Variants in JAML observed in about 807,000 individuals in gnomAD.
JAML encodes the protein junction adhesion molecule like.
In JAML, 25 loss-of-function variants were observed where a neutral mutation model predicts 39.3. The ratio of observed to expected loss-of-function variants is 0.64; its 90% confidence interval spans 0.46 to 0.89. The LOEUF (loss-of-function observed/expected upper bound fraction) is 0.89, where lower values mean the gene tolerates loss of function less well. Among genes scored for constraint, JAML ranks in the 40% least tolerant of loss-of-function variants. JAML has a pLI of 0.00. For synonymous variants in JAML, 162 were observed against 179.2 expected (o/e 0.90, Z 0.77); for missense variants, 440 against 486.9 (o/e 0.90, Z 0.91).
Position 118,200,916 on chromosome 11 carries a change from A to G in JAML, c.773-304T>C. On this transcript the variant is annotated intron_variant, in intron 6 of 9. Transcript: ENST00000356289. The stretch of plus-strand genomic sequence containing the variant: ...AATTTGGCTTAACAAGGACCCAGAA[A>G]TAACAGGCATTTGAGAGGCTGCTGA... 1.6e-5 allele frequency: 4 copies of G among 256,470 alleles called. No individual in the cohort carries two copies. In the South Asian group the frequency reaches 2.7e-4, roughly 17 times the overall value. 15.9% of individuals were successfully genotyped at this position (256,470 alleles called of 1,614,324 possible).
chr11:118,197,892 T>C (rs938287266), intron 8 of JAML, 106 bp downstream of exon 8: 89 of 1,030,650 alleles, frequency 8.6e-5, no homozygotes, highest in Non-Finnish European at 1.3e-4. Context: ...TGCCAAGCAC[T>C]GGCCTGCAAG....
At chr11:118,195,296 C>A (rs1328653481) in intron 9 of JAML, among the ~76,000 whole-genome samples, 1 of 152,086 alleles carries the variant, frequency 6.6e-6, no homozygotes, top group African/African-American at 2.4e-5. Flanking sequence ...ATGTTTCACT[C>A]GGTGGATCCA....
At chr11:118,212,338 T>C in intron 3 of JAML, 69 bp downstream of exon 3, 1 of 1,565,056 alleles carries the variant, frequency 6.4e-7, no homozygotes, top group South Asian at 1.2e-5. Context: ...TGCCTGACTC[T>C]TACACCACTC....
chr11:118,215,940 C>A (rs1201460410), intron 1 of JAML, among the ~76,000 whole-genome samples: 2 of 152,188 alleles, frequency 1.3e-5, no homozygotes, highest in East Asian at 3.9e-4. Flanking sequence ...GTCTTTACCC[C>A]TGGCCACCCT....
At position 118,194,309 on chromosome 11, in the gene JAML, GGACT is replaced by G. The variant is rs1565470158; in HGVS notation, c.*12_*15del. 10 of 1,604,560 alleles carry G rather than the reference GGACT, an allele frequency of 6.2e-6. No individual in the cohort carries two copies. The highest frequency in any genetic ancestry group is 6.8e-6 in the Non-Finnish European group (8 of 1,171,624). On this transcript the variant is annotated 3_prime_UTR_variant, in exon 10 of 10. Transcript: ENST00000356289. ...AGTCTCCACCGCTGCTGAGATGAAGGGACTCTCCATTCTTCTCAAAAGGCTTGCT... is the reference window on the plus strand; with the variant it reads ...AGTCTCCACCGCTGCTGAGATGAAGGCTCCATTCTTCTCAAAAGGCTTGCT...
chr11:118,213,206 T>C lies in JAML; in HGVS notation c.44-645A>G, dbSNP rs1591478446. On this transcript the variant is annotated intron_variant, in intron 2 of 9. Coordinates refer to ENST00000356289, the MANE Select transcript of JAML (RefSeq NM_001098526.2). ...CAGGGACCCCTGCCCATTATCTCTA[T>C]GTTGCTCAAGCAATTTCGAGCGGTC... 5.3e-6 allele frequency: 7 copies of C among 1,332,898 alleles called. 1 individual carries two copies. The highest frequency in any genetic ancestry group is 5.8e-5 in the East Asian group (2 of 34,452). 82.6% of individuals were successfully genotyped at this position (1,332,898 alleles called of 1,614,324 possible).
intron 9 of JAML, among the ~76,000 whole-genome samples, chr11:118,195,543 C>A (rs1037661598): frequency 5.3e-5 from 8 of 152,136 alleles, no homozygotes; most frequent in Admixed American, 2.6e-4. Flanking sequence ...TCCCTACCCC[C>A]ACTCACTGCA....
intron 9 of JAML, 147 bp downstream of exon 9, chr11:118,196,588 C>T: frequency 1.4e-6 from 1 of 689,958 alleles, no homozygotes; most frequent in Non-Finnish European, 2.6e-6. Flanking sequence ...CTCTTCTATC[C>T]AGCAGAACTT....
At chr11:118,213,227 C>G (rs377038511) in intron 2 of JAML, 1 of 1,277,456 alleles carries the variant, frequency 7.8e-7, no homozygotes, top group East Asian at 3.3e-5. Context: ...CAATTTCGAG[C>G]GGTCACTACA....
chr11:118,200,399 C>A lies in JAML; in HGVS notation c.911+75G>T, dbSNP rs1948758391. ...GAATGGCATAAGTAGGGCCCTATCA[C>A]CCTGTTCTACTTTGGGGTAGAGGCA... is the stretch of plus-strand genomic sequence containing the variant. On this transcript the variant is annotated intron_variant, in intron 7 of 9. Transcript: ENST00000356289. 4 of 1,552,796 alleles carry A rather than the reference C, an allele frequency of 2.6e-6. No homozygotes were observed. In the African/African-American group the frequency reaches 4.1e-5, roughly 16 times the overall value.
chr11:118,203,966 C>A (rs760758285), intron 5 of JAML: 6 of 335,346 alleles, frequency 1.8e-5, no homozygotes, highest in Non-Finnish European at 2.3e-5. Context: ...TACTTTTATT[C>A]TTGATGACAT....
At chr11:118,211,988 CTCTCCTT>C (rs1372177674) in intron 3 of JAML, among the ~76,000 whole-genome samples, 1 of 145,760 alleles carries the variant, frequency 6.9e-6, no homozygotes, top group East Asian at 2.1e-4. Context: ...TAGGTCAGAG[CTCTCCTT>C]TCTAGAACCT....
intron 2 of JAML, chr11:118,212,834 C>T (rs556645690): frequency 1.2e-6 from 2 of 1,613,766 alleles, no homozygotes; most frequent in Non-Finnish European, 1.7e-6. Context: ...AATTCTTCCT[C>T]CCAACCTTTC....
intron 2 of JAML, among the ~76,000 whole-genome samples, chr11:118,213,769 A>G (rs1289213041): frequency 2.6e-5 from 4 of 152,208 alleles, no homozygotes; most frequent in South Asian, 2.1e-4. Context: ...ACAAAAAACT[A>G]CAAAACCCCC....
At chr11:118,212,672 T>C (rs1460236115) in intron 2 of JAML, 111 bp from the exon 3 acceptor site, 5 of 1,516,724 alleles carry the variant, frequency 3.3e-6, no homozygotes, top group Non-Finnish European at 1.8e-6. Flanking sequence ...TGATCCAACA[T>C]AGACAAAGTC....
At chr11:118,198,962 T>A (rs1370008174) in intron 7 of JAML, among the ~76,000 whole-genome samples, 1 of 152,196 alleles carries the variant, frequency 6.6e-6, no homozygotes, top group African/African-American at 2.4e-5. Flanking sequence ...ATAAAATGTA[T>A]TTAGTACATA....
intron 8 of JAML, 74 bp downstream of exon 8, chr11:118,197,924 A>C (rs763393430): frequency 1.3e-5 from 18 of 1,358,748 alleles, no homozygotes; most frequent in Non-Finnish European, 1.9e-5. Flanking sequence ...AATGGGTAAG[A>C]TATGGTTCCC....
intron 1 of JAML, among the ~76,000 whole-genome samples, chr11:118,218,082 C>T (rs1410530440): frequency 6.6e-6 from 1 of 152,180 alleles, no homozygotes; most frequent in Non-Finnish European, 1.5e-5. Flanking sequence ...AGGACAGGTC[C>T]CCAAGCCACA....
At chr11:118,208,511 A>G (rs748228890) in intron 4 of JAML, among the ~76,000 whole-genome samples, 7 of 152,212 alleles carry the variant, frequency 4.6e-5, no homozygotes, top group Non-Finnish European at 8.8e-5. Flanking sequence ...GGAAGACACA[A>G]GTGAATAGGT....
Sources: allele counts gnomAD v4.1 joint callset (sites outside exome capture counted in the v4.1 genomes callset), GRCh38; gene constraint gnomAD v4.1.1; transcripts MANE v1.5; gene names NCBI Gene and HGNC (gene_info 2026-07-23, HGNC 2026-07-21).